Variants in KCNJ15 observed in about 807,000 individuals in gnomAD.
KCNJ15 encodes the protein ATP-sensitive inward rectifier potassium channel 15.
KCNJ15 carries 14 observed loss-of-function variants against 23.0 expected under a neutral mutation model. That is an observed-to-expected ratio of 0.61 (90% CI 0.40 to 0.95). The LOEUF (loss-of-function observed/expected upper bound fraction) is 0.95, where lower values mean the gene tolerates loss of function less well. Ranked by LOEUF, KCNJ15 falls within the 40% of genes least tolerant of loss-of-function variation. KCNJ15 has a pLI of 0.00. For synonymous variants in KCNJ15, 185 were observed against 183.2 expected (o/e 1.01, Z -0.08); for missense variants, 388 against 461.8 (o/e 0.84, Z 1.46).
At chr21:38,263,421 T>C (rs904733818) in intron 1 of KCNJ15, among the ~76,000 whole-genome samples, 6 of 152,160 alleles carry the variant, frequency 3.9e-5, no homozygotes, top group African/African-American at 1.4e-4. Flanking sequence ...AATAAGAAGG[T>C]CTGCACTCAA....
At chr21:38,295,548 T>G (rs985989580) in intron 1 of KCNJ15, among the ~76,000 whole-genome samples, 1 of 122,002 alleles carries the variant, frequency 8.2e-6, no homozygotes, top group Non-Finnish European at 1.5e-5. Flanking sequence ...CAAGCTGCAC[T>G]TTTTTTTTTA....
intron 1 of KCNJ15, among the ~76,000 whole-genome samples, chr21:38,263,495 T>A (rs1370674595): frequency 6.6e-6 from 1 of 152,168 alleles, no homozygotes; most frequent in Non-Finnish European, 1.5e-5. Flanking sequence ...TCATTAACAT[T>A]TTAAAAACCC....
At chr21:38,273,065 A>G (rs1389956551) in intron 1 of KCNJ15, among the ~76,000 whole-genome samples, 1 of 152,222 alleles carries the variant, frequency 6.6e-6, no homozygotes, top group African/African-American at 2.4e-5. Context: ...TTAAGCCTCA[A>G]AGACTTTGAT....
chr21:38,293,297 C>T (rs895339501), intron 1 of KCNJ15, among the ~76,000 whole-genome samples: 1 of 152,058 alleles, frequency 6.6e-6, no homozygotes, highest in Non-Finnish European at 1.5e-5. Flanking sequence ...GTGATGATCC[C>T]GACACCTCTC....
At chr21:38,244,040 T>C (rs1391158795) in intron 1 of KCNJ15, among the ~76,000 whole-genome samples, 1 of 152,228 alleles carries the variant, frequency 6.6e-6, no homozygotes, top group African/African-American at 2.4e-5. Flanking sequence ...CCCTCAAGCT[T>C]GGGTCTTTAT....
At chr21:38,236,840 T>A (rs982864117) in intron 1 of KCNJ15, among the ~76,000 whole-genome samples, 3 of 152,224 alleles carry the variant, frequency 2.0e-5, no homozygotes, top group African/African-American at 7.2e-5. Flanking sequence ...CCTGAAGTCA[T>A]AAAAGATTAT....
chr21:38,274,832 T>C lies in KCNJ15; in HGVS notation c.-117+17647T>C, dbSNP rs143538936. ...TGCTGGAAAATCCTCTCCTCTTCTC[T>C]TTAATACAGGCAGCCTCTAAGATTG... On this transcript the variant is annotated intron_variant, in intron 1 of 2. Coordinates refer to ENST00000398938, the MANE Select transcript of KCNJ15 (RefSeq NM_170736.3). 3.6e-3 allele frequency among the ~76,000 whole-genome samples: 550 copies of C among 152,302 alleles called. 2 individuals carry two copies. Among genetic ancestry groups the C allele is most frequent in the African/African-American group, 0.013 (535 of 41,562 alleles).
At chr21:38,269,797 C>A (rs1264482982) in intron 1 of KCNJ15, among the ~76,000 whole-genome samples, 1 of 152,060 alleles carries the variant, frequency 6.6e-6, no homozygotes, top group Admixed American at 6.6e-5. Context: ...CACAAAGTGT[C>A]CCTGGGAGAC....
At chr21:38,272,192 T>C (rs1982170756) in intron 1 of KCNJ15, 1 of 152,222 alleles carries the variant, frequency 6.6e-6, no homozygotes, top group African/African-American at 2.4e-5. Context: ...TGTTGTCAAA[T>C]AGCTTTTAAG....
chr21:38,306,598 C>A lies in KCNJ15; in HGVS notation c.*6209C>A, dbSNP rs540634281. ...TTAAGGATGTCGTATTACATCAAAT[C>A]ATTACAGGAAGTATGACTGTATCAG... On this transcript the variant is annotated 3_prime_UTR_variant, in exon 3 of 3. Transcript: ENST00000398938. The A allele has an allele frequency of 6.6e-5, 10 of 152,258 alleles. No individual in the cohort carries two copies. In the East Asian group the frequency reaches 1.9e-3, roughly 29 times the overall value. The allele number at this position is 152,258 out of a possible 1,614,324, so 9.4% of individuals were successfully genotyped here.
chr21:38,299,057 C>T lies in KCNJ15; in HGVS notation c.-18-187C>T, dbSNP rs80011085. 0.016 allele frequency among the ~76,000 whole-genome samples: 2,506 copies of T among 152,292 alleles called. 75 individuals carry two copies. The highest frequency in any genetic ancestry group is 0.056 in the African/African-American group (2,333 of 41,546). On this transcript the variant is annotated intron_variant, in intron 2 of 2. Transcript: ENST00000398938. This position sits in a 1 kb window ranked among gnomAD's most constrained non-coding sequence, Gnocchi z 4.5. ...CAGCATTTAACCCCGGTCTGCTTTT[C>T]TGCAAAGCCTCTGCTCCTCACTCTA... is the stretch of plus-strand genomic sequence containing the variant.
At position 38,302,916 on chromosome 21, in the gene KCNJ15, A is replaced by G. The variant is rs948990058; in HGVS notation, c.*2527A>G. The stretch of plus-strand genomic sequence containing the variant: ...TATCACCTTAAAAATATCTTATTTT[A>G]TATTTAGATAATATTGAAATCACAG... On this transcript the variant is annotated 3_prime_UTR_variant, in exon 3 of 3. Transcript: ENST00000398938. 1.3e-5 allele frequency: 2 copies of G among 152,204 alleles called. No individual in the cohort carries two copies. The highest frequency in any genetic ancestry group is 6.5e-5 in the Admixed American group (1 of 15,280). The allele number at this position is 152,204 out of a possible 1,614,324, so 9.4% of individuals were successfully genotyped here.
chr21:38,301,377 C>T lies in KCNJ15; in HGVS notation c.*988C>T, dbSNP rs1064273. On this transcript the variant is annotated 3_prime_UTR_variant, in exon 3 of 3. Coordinates refer to ENST00000398938, the MANE Select transcript of KCNJ15 (RefSeq NM_170736.3). ...CTCTCTTCATTTCATTATTATTGGC[C>T]AATATTTCTTTCAGCCATTTCATTT... 77,793 of 166,932 alleles carry T rather than the reference C, an allele frequency of 0.47. 19,816 individuals carry two copies. Among genetic ancestry groups the T allele is most frequent in the Non-Finnish European group, 0.59 (40,027 of 68,048 alleles). The allele number at this position is 166,932 out of a possible 1,614,324, so 10.3% of individuals were successfully genotyped here.
At chr21:38,241,102 C>T (rs1014629240) in intron 1 of KCNJ15, among the ~76,000 whole-genome samples, 5 of 152,154 alleles carry the variant, frequency 3.3e-5, no homozygotes, top group African/African-American at 1.2e-4. Context: ...ACATATTGTA[C>T]TTTATTGTAA....
chr21:38,247,609 G>A (rs1979533630), intron 1 of KCNJ15, among the ~76,000 whole-genome samples: 1 of 152,180 alleles, frequency 6.6e-6, no homozygotes, highest in South Asian at 2.1e-4. Context: ...TGGATGAATG[G>A]ATATGTAGGT....
At position 38,299,239 on chromosome 21, in the gene KCNJ15, C is replaced by A; in HGVS notation, c.-18-5C>A. ...ATAATGAAACATCTTTGTCATTTCT[C>A]TAAGTGTTTCCAGAGCCTGGCAATG... On this transcript the variant is annotated splice_polypyrimidine_tract_variant and splice_region_variant and intron_variant, in intron 2 of 2. Coordinates refer to ENST00000398938, the MANE Select transcript of KCNJ15 (RefSeq NM_170736.3). The surrounding 1 kb of genome is among the most constrained non-coding windows in gnomAD (Gnocchi z 4.5). The A allele has an allele frequency of 6.3e-7, 1 of 1,591,788 alleles. No individual in the cohort carries two copies. The highest frequency in any genetic ancestry group is 1.1e-5 in the South Asian group (1 of 88,390).
intron 1 of KCNJ15, among the ~76,000 whole-genome samples, chr21:38,275,006 G>A (rs1425006203): frequency 1.3e-5 from 2 of 151,942 alleles, no homozygotes; most frequent in African/African-American, 4.8e-5. Context: ...GACATGCTTG[G>A]AGCCAACACC....
rs148451839 is a variant in KCNJ15, at chr21:38,299,575, C to T, written c.314C>T (p.Thr105Ile). Residue 105 changes from threonine (T) to isoleucine (I), a missense_variant, in exon 3 of 3, where the codon ACC becomes ATC. Thr to Ile is a moderately conservative substitution (Grantham distance 89). Transcript: ENST00000398938. This position sits in a 1 kb window ranked among gnomAD's most constrained non-coding sequence, Gnocchi z 4.5. ...LEPGEPISNHTPCIMKVDSLT... is the reference protein window; with the variant it reads ...LEPGEPISNHIPCIMKVDSLT... The stretch of plus-strand genomic sequence containing the variant: ...CCCGGTGAGCCCATTTCAAATCATA[C>T]CCCCTGCATCATGAAAGTGGACTCT... 1 of 1,614,008 alleles carries T rather than the reference C, an allele frequency of 6.2e-7. No homozygotes were observed. The highest frequency in any genetic ancestry group is 8.5e-7 in the Non-Finnish European group (1 of 1,179,938).
chr21:38,240,492 C>A (rs905518896), intron 1 of KCNJ15, among the ~76,000 whole-genome samples: 3 of 152,180 alleles, frequency 2.0e-5, no homozygotes, highest in African/African-American at 7.2e-5. Context: ...AGTAATTTTA[C>A]ACCAGTTGTC....
Sources: allele counts gnomAD v4.1 joint callset (sites outside exome capture counted in the v4.1 genomes callset), GRCh38; gene constraint gnomAD v4.1.1; non-coding constraint Gnocchi (gnomAD v3.1); transcripts MANE v1.5; gene names NCBI Gene and HGNC (gene_info 2026-07-23, HGNC 2026-07-21).